The following PAPPA2 variants were observed in gnomAD, a reference collection of about 807,000 sequenced individuals.
PAPPA2 encodes pappalysin-2.
In PAPPA2, 86 loss-of-function variants were observed where a neutral mutation model predicts 176.4. The ratio of observed to expected loss-of-function variants is 0.49; its 90% CI spans 0.41 to 0.58. PAPPA2 has a LOEUF of 0.58. Ranked by LOEUF, PAPPA2 falls within the 20% of genes least tolerant of loss-of-function variation. The pLI, the probability that PAPPA2 is intolerant of heterozygous loss-of-function variation, is 0.00. For missense variants in PAPPA2, 2,073 were observed against 2,256.9 expected, an observed-to-expected ratio of 0.92 and a Z score of 1.65; for synonymous variants, 809 against 852.2, an observed-to-expected ratio of 0.95 and a Z score of 0.88.
chr1:176,612,006 T>G (rs1573124845), intron 3 of PAPPA2, among the ~76,000 whole-genome samples: 1 of 152,350 alleles, frequency 6.6e-6, no homozygotes, highest in East Asian at 1.9e-4. Context: ...ACATACCTTT[T>G]TGCAGGTAGG....
At chr1:176,717,058 G>T (rs1347895757) in intron 12 of PAPPA2, among the ~76,000 whole-genome samples, 1 of 152,172 alleles carries the variant, frequency 6.6e-6, no homozygotes, top group Non-Finnish European at 1.5e-5. Context: ...AGAAAGCAAA[G>T]TAAAATTAGC....
intron 17 of PAPPA2, among the ~76,000 whole-genome samples, chr1:176,784,180 A>C (rs972677608): frequency 6.6e-6 from 1 of 152,194 alleles, no homozygotes; most frequent in Non-Finnish European, 1.5e-5. Context: ...GGGCTATCAA[A>C]GATGTTTTGG....
intron 1 of PAPPA2, among the ~76,000 whole-genome samples, chr1:176,484,840 C>G (rs572168746): frequency 2.6e-5 from 4 of 152,284 alleles, no homozygotes; most frequent in African/African-American, 9.6e-5. Context: ...TCTGCCATAT[C>G]TGAGTGTGGT....
chr1:176,764,754 A>G (rs1663868588), intron 14 of PAPPA2, among the ~76,000 whole-genome samples: 1 of 152,086 alleles, frequency 6.6e-6, no homozygotes, highest in Admixed American at 6.6e-5. Flanking sequence ...CTGCAACCAC[A>G]TCCGGCTAAT....
At chr1:176,548,546 G>C (rs1169325665) in intron 1 of PAPPA2, among the ~76,000 whole-genome samples, 3 of 152,182 alleles carry the variant, frequency 2.0e-5, no homozygotes, top group African/African-American at 7.2e-5. Context: ...CATGCTGGGA[G>C]TCAAATCATG....
chr1:176,546,258 A>G (rs1411998733), intron 1 of PAPPA2, among the ~76,000 whole-genome samples: 1 of 152,156 alleles, frequency 6.6e-6, no homozygotes, highest in Non-Finnish European at 1.5e-5. Flanking sequence ...TTTTGATGCC[A>G]TAATTTAGAT....
chr1:176,809,951 A>AGTGTGTGTGTGTGT (rs55858181), intron 21 of PAPPA2, among the ~76,000 whole-genome samples: 11 of 133,706 alleles, frequency 8.2e-5, no homozygotes, highest in African/African-American at 2.0e-4. Context: ...GACAAGATGC[A>AGTGTGTGTGTGTGT]GTGTGTGTGT....
At chr1:176,695,713 C>T in intron 6 of PAPPA2, 25 bp from the exon 7 acceptor site, 3 of 1,612,842 alleles carry the variant, frequency 1.9e-6, no homozygotes, top group Non-Finnish European at 2.5e-6. Flanking sequence ...CCTCATCTCC[C>T]ATCTCCATCC....
chr1:176,689,517 T>A (rs1660003190), intron 4 of PAPPA2, among the ~76,000 whole-genome samples: 1 of 152,218 alleles, frequency 6.6e-6, no homozygotes, highest in Non-Finnish European at 1.5e-5. Flanking sequence ...AGAAGCAGTC[T>A]ACACAGCTGT....
intron 1 of PAPPA2, among the ~76,000 whole-genome samples, chr1:176,473,876 T>C (rs1413721277): frequency 6.6e-6 from 1 of 152,210 alleles, no homozygotes; most frequent in Non-Finnish European, 1.5e-5. Flanking sequence ...TTTTCTAATC[T>C]CATTGTGTTT....
intron 4 of PAPPA2, among the ~76,000 whole-genome samples, chr1:176,681,834 AGAGAAG>A (rs1226118865): frequency 6.6e-6 from 1 of 152,170 alleles, no homozygotes; most frequent in Non-Finnish European, 1.5e-5. Flanking sequence ...CTTATAAATT[AGAGAAG>A]GAAAGGGTAA....
chr1:176,740,892 A>G (rs1662649265), intron 14 of PAPPA2, among the ~76,000 whole-genome samples: 1 of 152,142 alleles, frequency 6.6e-6, no homozygotes, highest in Non-Finnish European at 1.5e-5. Flanking sequence ...GACAGGGTTC[A>G]TTCCTCAGCA....
At chr1:176,578,774 C>G (rs1652797052) in intron 2 of PAPPA2, among the ~76,000 whole-genome samples, 1 of 152,106 alleles carries the variant, frequency 6.6e-6, no homozygotes, top group South Asian at 2.1e-4. Flanking sequence ...CCTATATAAC[C>G]TCTCAGAAAG....
At chr1:176,516,212 C>T (rs1030078180) in intron 1 of PAPPA2, among the ~76,000 whole-genome samples, 1 of 151,964 alleles carries the variant, frequency 6.6e-6, no homozygotes, top group Admixed American at 6.6e-5. Context: ...TTGAGTGTCT[C>T]ACCACAAATG....
intron 2 of PAPPA2, among the ~76,000 whole-genome samples, chr1:176,576,333 G>A (rs2102620850): frequency 6.6e-6 from 1 of 152,146 alleles, no homozygotes; most frequent in South Asian, 2.1e-4. Flanking sequence ...CTGAAAATTT[G>A]TATTTCTTTT....
intron 1 of PAPPA2, among the ~76,000 whole-genome samples, chr1:176,469,789 A>C (rs570240906): frequency 1.3e-5 from 2 of 152,286 alleles, no homozygotes. Flanking sequence ...AGCAGTTGTC[A>C]TCTGGGATGC....
chr1:176,475,832 A>G (rs1652091252), intron 1 of PAPPA2, among the ~76,000 whole-genome samples: 1 of 151,966 alleles, frequency 6.6e-6, no homozygotes, highest in Non-Finnish European at 1.5e-5. Flanking sequence ...TTAATTTAGA[A>G]AGTCTGAAAA....
At chr1:176,710,944 A>AGTTT in intron 11 of PAPPA2, among the ~76,000 whole-genome samples, 1 of 152,118 alleles carries the variant, frequency 6.6e-6, no homozygotes, top group South Asian at 2.1e-4. Flanking sequence ...TGCTCAAAAC[A>AGTTT]TGGCTGCAGT....
intron 3 of PAPPA2, among the ~76,000 whole-genome samples, chr1:176,645,717 A>G (rs530983546): frequency 3.3e-5 from 5 of 151,846 alleles, no homozygotes; most frequent in African/African-American, 1.2e-4. Context: ...ACACTATATG[A>G]AGGTATCCCT....
Sources: allele counts gnomAD v4.1 joint callset (sites outside exome capture counted in the v4.1 genomes callset), GRCh38; gene constraint gnomAD v4.1.1; transcripts MANE v1.5; gene names NCBI Gene and HGNC (gene_info 2026-07-23, HGNC 2026-07-21).